Variants in ZNF584 observed in about 807,000 individuals in gnomAD.
The protein encoded by ZNF584 is zinc finger protein 584.
ZNF584 carries 12 observed loss-of-function variants against 14.7 expected under a neutral mutation model. The observed-to-expected ratio is 0.82, with a 90% CI of 0.52 to 1.32. The LOEUF (loss-of-function observed/expected upper bound fraction) is 1.32, where lower values mean the gene tolerates loss of function less well. Ranked by LOEUF, ZNF584 falls within the 40% of genes most tolerant of loss-of-function variation. The pLI, the probability that ZNF584 is intolerant of heterozygous loss-of-function variation, is 0.00. For synonymous variants in ZNF584, 204 were observed against 190.9 expected (o/e 1.07, Z -0.57); for missense variants, 478 against 518.8 (o/e 0.92, Z 0.76).
chr19:58,409,058 A>G lies in ZNF584; in HGVS notation c.-90A>G, dbSNP rs2052505685. On this transcript the variant is annotated 5_prime_UTR_variant, in exon 1 of 4. Transcript: ENST00000306910. ...CCCGCGCGGGGAGAGCTTCCCGGGA[A>G]GGTTCCACGGCGGCCGAGGGTTTCC... 7.0e-7 allele frequency: 1 copy of G among 1,425,054 alleles called. No homozygotes were observed. Among genetic ancestry groups the G allele is most frequent in the African/African-American group, 1.5e-5 (1 of 67,368 alleles). The allele number at this position is 1,425,054 out of a possible 1,614,324, so 88.3% of individuals were successfully genotyped here.
intron 3 of ZNF584, 189 bp downstream of exon 3, chr19:58,415,835 C>T (rs1204962046): frequency 6.2e-7 from 1 of 1,601,484 alleles, no homozygotes; most frequent in East Asian, 2.2e-5. Flanking sequence ...CATGTTCCTG[C>T]CTCTCTGGCC....
Position 58,417,821 on chromosome 19 carries a change from G to C in ZNF584, c.*37G>C, listed in dbSNP as rs772007777. On this transcript the variant is annotated 3_prime_UTR_variant, in exon 4 of 4. Coordinates refer to ENST00000306910, the MANE Select transcript of ZNF584 (RefSeq NM_173548.3). ...TCAGGAAAGGTCTTATTCCAGAAAG[G>C]AGGTTAAGGAGAGTGGCCGTGAGAG... 6.2e-5 allele frequency: 97 copies of C among 1,554,128 alleles called. No homozygotes were observed. Among genetic ancestry groups the C allele is most frequent in the Non-Finnish European group, 7.8e-5 (90 of 1,152,224 alleles).
intron 2 of ZNF584, among the ~76,000 whole-genome samples, chr19:58,413,409 G>A (rs1381223882): frequency 2.0e-5 from 3 of 151,488 alleles, no homozygotes; most frequent in East Asian, 1.9e-4. Context: ...GCAATGGTGC[G>A]ATCTCGGCTC....
At chr19:58,416,073 A>G in intron 3 of ZNF584, 1 of 1,092,418 alleles carries the variant, frequency 9.2e-7, no homozygotes, top group Non-Finnish European at 1.3e-6. Flanking sequence ...CCCTGCTGAA[A>G]CCCTTTGCAG....
chr19:58,416,007 T>G, intron 3 of ZNF584: 1 of 1,558,398 alleles, frequency 6.4e-7, no homozygotes, highest in East Asian at 2.2e-5. Flanking sequence ...AATCACATTT[T>G]GCTGGGACTA....
chr19:58,410,150 A>G, intron 2 of ZNF584, 59 bp downstream of exon 2: 1 of 1,542,250 alleles, frequency 6.5e-7, no homozygotes, highest in Non-Finnish European at 8.7e-7. Context: ...CCCCATGCGA[A>G]GTTCTGTCCA....
At chr19:58,402,824 CAAAAAAA>C (rs35168811) in intron 1 of ZNF584, among the ~76,000 whole-genome samples, 3 of 47,480 alleles carry the variant, frequency 6.3e-5, no homozygotes, top group Admixed American at 3.2e-4. Flanking sequence ...AACTGCGTCT[CAAAAAAA>C]AAAAAAAAAA....
At chr19:58,410,623 G>A (rs1240966509) in intron 2 of ZNF584, among the ~76,000 whole-genome samples, 5 of 42,656 alleles carry the variant, frequency 1.2e-4, no homozygotes, top group African/African-American at 8.5e-4. Context: ...GTGTATATAT[G>A]TGTATATATG....
Position 58,417,285 on chromosome 19 carries a change from C to A in ZNF584, c.767C>A (p.Ala256Glu). The A allele has an allele frequency of 6.2e-7, 1 of 1,614,120 alleles. No individual in the cohort carries two copies. Among genetic ancestry groups the A allele is most frequent in the Non-Finnish European group, 8.5e-7 (1 of 1,180,028 alleles). ...DCGKTFNRKDALVLHQRIHTG... is the reference protein window; with the variant it reads ...DCGKTFNRKDELVLHQRIHTG... ...GGTAAAACCTTCAACCGCAAAGACG[C>A]ACTTGTTCTACACCAGAGGATTCAC... Residue 256 changes from alanine (A) to glutamate (E), a missense_variant, in exon 4 of 4, where the codon GCA becomes GAA. By Grantham distance (107) the Ala-to-Glu change is moderately radical. Coordinates refer to ENST00000306910, the MANE Select transcript of ZNF584 (RefSeq NM_173548.3).
At position 58,417,959 on chromosome 19, in the gene ZNF584, C is replaced by T; in HGVS notation, c.*175C>T. The T allele has an allele frequency of 1.4e-6, 1 of 736,298 alleles. No homozygotes were observed. The highest frequency in any genetic ancestry group is 1.9e-5 in the South Asian group (1 of 51,974). 45.6% of individuals were successfully genotyped at this position (736,298 alleles called of 1,614,324 possible). A position where few individuals can be genotyped will look rare whatever the true frequency, so the allele number is the denominator to read the frequency against. Reference sequence around the variant, plus strand: ...GGGAGCCACATTGCACTCTGACTTGCCTGGGGCTGTTGGCAGTGTCACATC... The same window carrying T: ...GGGAGCCACATTGCACTCTGACTTGTCTGGGGCTGTTGGCAGTGTCACATC... On this transcript the variant is annotated 3_prime_UTR_variant, in exon 4 of 4. Transcript: ENST00000306910.
chr19:58,402,404 C>T (rs1038362860), intron 1 of ZNF584, among the ~76,000 whole-genome samples: 1 of 152,240 alleles, frequency 6.6e-6, no homozygotes, highest in African/African-American at 2.4e-5. Context: ...TCATTTTTAT[C>T]GTTGTGGAAA....
At position 58,410,677 on chromosome 19, in the gene ZNF584, A is replaced by ATG. The variant is rs1458775170; in HGVS notation, c.169+587_169+588insGT. Among the ~76,000 whole-genome samples the ATG allele has an allele frequency of 9.7e-5, 5 of 51,720 alleles. 1 individual carries two copies. Among genetic ancestry groups the ATG allele is most frequent in the Non-Finnish European group, 1.6e-4 (5 of 30,368 alleles). 33.9% of individuals were successfully genotyped at this position (51,720 alleles called of 152,430 possible). A position where few individuals can be genotyped will look rare whatever the true frequency, so the allele number is the denominator to read the frequency against. On this transcript the variant is annotated intron_variant, in intron 2 of 3. Coordinates refer to ENST00000306910, the MANE Select transcript of ZNF584 (RefSeq NM_173548.3). Reference sequence around the variant, plus strand: ...TATGTGTATATATGTATATATGTGTATATATATGTATATATGTATATATAT... The same window carrying ATG: ...TATGTGTATATATGTATATATGTGTATGTATATATGTATATATGTATATATAT...
intron 2 of ZNF584, among the ~76,000 whole-genome samples, chr19:58,412,614 T>C (rs1190680446): frequency 6.6e-6 from 1 of 152,152 alleles, no homozygotes; most frequent in African/African-American, 2.4e-5. Context: ...AGTGGTGTAG[T>C]TTTCTTATAA....
In ZNF584 at chr19:58,409,990, C is replaced by A. The variant is rs200679930; in HGVS notation, c.68C>A (p.Thr23Lys). 7 of 1,613,908 alleles carry A rather than the reference C, an allele frequency of 4.3e-6. 2 individuals are homozygous for A. The African/African-American group carries it at 8.0e-5, about 18-fold the overall frequency. The change falls in exon 2 of 4, where the codon ACG becomes AAG. Residue 23 changes from threonine to lysine, a missense_variant. By Grantham distance (78) the Thr-to-Lys change is moderately conservative. This residue lies in a region of ZNF584 where 189 missense variants were observed against 177.9 expected (regional missense o/e 1.06). Coordinates refer to ENST00000306910, the MANE Select transcript of ZNF584 (RefSeq NM_173548.3). Reference protein sequence around the residue: ...LQGLVMFEDVTVYFSREEWGL... With the variant: ...LQGLVMFEDVKVYFSREEWGL... ...GGCTTGGTGATGTTTGAGGATGTGA[C>A]GGTATATTTCTCCAGGGAGGAGTGG... is the stretch of plus-strand genomic sequence containing the variant.
chr19:58,412,370 C>T (rs909648372), intron 2 of ZNF584, among the ~76,000 whole-genome samples: 15 of 151,602 alleles, frequency 9.9e-5, no homozygotes, highest in Admixed American at 5.2e-4. Flanking sequence ...CCACCGCGCC[C>T]GGCTAATTTT....
Position 58,410,105 on chromosome 19 carries a change from A to T in ZNF584, c.169+14A>T. 1 of 1,597,872 alleles carries T rather than the reference A, an allele frequency of 6.3e-7. No homozygotes were observed. Among genetic ancestry groups the T allele is most frequent in the Non-Finnish European group, 8.5e-7 (1 of 1,172,040 alleles). On this transcript the variant is annotated intron_variant, in intron 2 of 3. Coordinates refer to ENST00000306910, the MANE Select transcript of ZNF584 (RefSeq NM_173548.3). ...TTAGCTCACTGGGTAAGTCTCTTAC[A>T]CTGTCCCCCAGCACACTGACTACCC...
rs2052631168 is a variant in ZNF584 at position 58,415,562 on chromosome 19, G to C, written c.208G>C (p.Glu70Gln). 3.1e-6 allele frequency: 5 copies of C among 1,613,958 alleles called. No individual in the cohort carries two copies. The highest frequency in any genetic ancestry group is 1.7e-4 in the Middle Eastern group (1 of 6,058). ...GAGATCCCCTGTGTTTACCCAGCTG[G>C]AGGATGATGAACAGTCGTGGGTGCC... ...PSRSPVFTQL[E>Q]DDEQSWVPSW... The change falls in exon 3 of 4, where the codon GAG becomes CAG. Residue 70 changes from glutamate to glutamine, a missense_variant. Physicochemically the swap from Glu to Gln is conservative, Grantham distance 29. Around this residue, in one of 3 missense-constraint regions of ZNF584, gnomAD observed 189 missense variants for 177.9 expected, o/e 1.06. Transcript: ENST00000306910.
At chr19:58,402,570 CCCA>C (rs974373829) in intron 1 of ZNF584, among the ~76,000 whole-genome samples, 36 of 152,242 alleles carry the variant, frequency 2.4e-4, no homozygotes, top group Middle Eastern at 3.4e-3. Context: ...CGCCTGTAAT[CCCA>C]CCACTTTGGG....
chr19:58,409,954 C>T lies in ZNF584; in HGVS notation c.32C>T (p.Pro11Leu), dbSNP rs948967989. 1.9e-6 allele frequency: 3 copies of T among 1,613,934 alleles called. No homozygotes were observed. The highest frequency in any genetic ancestry group is 1.7e-5 in the Admixed American group (1 of 59,980). MAGEAEAQLD[P>L]SLQGLVMFED... is the part of the protein sequence containing the mutation. ...ATTGACCCCAAGGCTCAGTTGGACC[C>T]ATCATTGCAGGGCTTGGTGATGTTT... The change falls in exon 2 of 4, where the codon CCA becomes CTA. Residue 11 changes from proline (P) to leucine (L), a missense_variant. Transcript: ENST00000306910.
Sources: allele counts gnomAD v4.1 joint callset (sites outside exome capture counted in the v4.1 genomes callset), GRCh38; gene constraint gnomAD v4.1.1; regional missense constraint gnomAD v4.1.1; transcripts MANE v1.5; gene names NCBI Gene and HGNC (gene_info 2026-07-23, HGNC 2026-07-21).